Variants in FOXN3 observed in about 807,000 individuals in gnomAD.
FOXN3 encodes the protein forkhead box N3, also known as forkhead box protein N3.
In FOXN3, 7 loss-of-function variants were observed where a neutral mutation model predicts 38.4. The observed-to-expected ratio is 0.18, with a 90% confidence interval of 0.10 to 0.34. The LOEUF (loss-of-function observed/expected upper bound fraction) is 0.34, where lower values mean the gene tolerates loss of function less well. Among genes scored for constraint, FOXN3 ranks in the 10% least tolerant of loss-of-function variants. The pLI is 1.00. For synonymous variants in FOXN3, 230 were observed against 242.2 expected, an observed-to-expected ratio of 0.95 and a Z score of 0.47; for missense variants, 456 against 613.4, an observed-to-expected ratio of 0.74 and a Z score of 2.71.
At position 89,258,407 on chromosome 14, in the gene FOXN3, G is replaced by T. The variant is rs1596136669; in HGVS notation, c.745+22543C>A. Among the ~76,000 whole-genome samples the T allele has an allele frequency of 3.9e-5, 6 of 152,300 alleles. No homozygotes were observed. In the South Asian group the frequency reaches 1.2e-3, roughly 32 times the overall value. On this transcript the variant is annotated intron_variant, in intron 4 of 5. Coordinates refer to ENST00000557258, the MANE Select transcript of FOXN3 (RefSeq NM_005197.4). ...TGAGTAAATCACTGTCACTGATAGG[G>T]AGATGATGATGATGACGATGATGAT...
At position 89,242,237 on chromosome 14, in the gene FOXN3, C is replaced by T. The variant is rs184314648; in HGVS notation, c.745+38713G>A. On this transcript the variant is annotated intron_variant, in intron 4 of 5. Coordinates refer to ENST00000557258, the MANE Select transcript of FOXN3 (RefSeq NM_005197.4). ...GCCTTCCAGGTTCCAGTCTTGATGA[C>T]CGCCAGCTATTATACATGCTTGGCC... 2.0e-3 allele frequency among the ~76,000 whole-genome samples: 302 copies of T among 152,214 alleles called. 1 individual carries two copies. Among genetic ancestry groups the T allele is most frequent in the African/African-American group, 6.8e-3 (282 of 41,522 alleles).
intron 3 of FOXN3, among the ~76,000 whole-genome samples, chr14:89,298,464 CGTCT>C (rs1333386200): frequency 7.4e-6 from 1 of 135,514 alleles, no homozygotes; most frequent in African/African-American, 2.9e-5. Flanking sequence ...AGGGAGACTC[CGTCT>C]ATTTAAAAAA....
chr14:89,536,775 C>T (rs897789736), intron 1 of FOXN3, among the ~76,000 whole-genome samples: 81 of 92,672 alleles, frequency 8.7e-4, no homozygotes, highest in African/African-American at 3.4e-3. Context: ...AAGTCTCTAT[C>T]TCAAAAATAA....
chr14:89,405,383 C>G (rs1596255952), intron 2 of FOXN3, among the ~76,000 whole-genome samples: 2 of 152,136 alleles, frequency 1.3e-5, no homozygotes, highest in East Asian at 3.9e-4. Flanking sequence ...ATGATGCCCC[C>G]GTCTTGGCCT....
intron 4 of FOXN3, among the ~76,000 whole-genome samples, chr14:89,186,644 T>G (rs2139803095): frequency 6.6e-6 from 1 of 152,278 alleles, no homozygotes; most frequent in Non-Finnish European, 1.5e-5. Flanking sequence ...GAAGGCAGCA[T>G]CCTATAGAGC....
chr14:89,501,726 A>G (rs1203738688), intron 1 of FOXN3, among the ~76,000 whole-genome samples: 1 of 152,126 alleles, frequency 6.6e-6, no homozygotes, highest in Admixed American at 6.5e-5. Flanking sequence ...CAGGGTTTTT[A>G]AAACACTAAA....
intron 4 of FOXN3, among the ~76,000 whole-genome samples, chr14:89,268,167 T>G (rs951824491): frequency 6.6e-6 from 1 of 152,226 alleles, no homozygotes; most frequent in Non-Finnish European, 1.5e-5. Context: ...TCTTCATCTG[T>G]AAGATCAGGA....
At chr14:89,375,910 A>T (rs1890465052) in intron 2 of FOXN3, among the ~76,000 whole-genome samples, 1 of 152,004 alleles carries the variant, frequency 6.6e-6, no homozygotes, top group Admixed American at 6.6e-5. Flanking sequence ...CCTCCCAAGT[A>T]GCTGAGATTA....
intron 4 of FOXN3, among the ~76,000 whole-genome samples, chr14:89,205,837 C>T (rs1395970850): frequency 6.6e-6 from 1 of 152,244 alleles, no homozygotes; most frequent in Non-Finnish European, 1.5e-5. Flanking sequence ...CTCCCCACGA[C>T]CTTCCCGTCT....
intron 4 of FOXN3, among the ~76,000 whole-genome samples, chr14:89,263,370 A>AG (rs1325507111): frequency 1.2e-4 from 18 of 152,268 alleles, no homozygotes; most frequent in Non-Finnish European, 2.2e-4. Flanking sequence ...AAAAAAAAAA[A>AG]CCAACTCATT....
chr14:89,478,371 G>A (rs555342324), intron 1 of FOXN3, among the ~76,000 whole-genome samples: 4 of 152,098 alleles, frequency 2.6e-5, no homozygotes, highest in Non-Finnish European at 5.9e-5. Context: ...AGCAGTGCAA[G>A]AATGGACTAA....
intron 3 of FOXN3, among the ~76,000 whole-genome samples, chr14:89,315,231 C>T (rs1887684681): frequency 6.6e-6 from 1 of 151,694 alleles, no homozygotes; most frequent in African/African-American, 2.4e-5. Context: ...AATCCAAACA[C>T]CTTTCTGATC....
At chr14:89,410,878 A>G (rs1035658870) in intron 2 of FOXN3, among the ~76,000 whole-genome samples, 4 of 150,762 alleles carry the variant, frequency 2.7e-5, no homozygotes, top group African/African-American at 9.7e-5. Flanking sequence ...GGTCCCAAAA[A>G]AAAAGAGGAA....
intron 1 of FOXN3, among the ~76,000 whole-genome samples, chr14:89,591,954 C>A (rs984386041): frequency 1.3e-5 from 2 of 151,934 alleles, no homozygotes; most frequent in African/African-American, 2.4e-5. Context: ...GTAAGAAAAA[C>A]AAGAAACTCA....
At chr14:89,359,382 C>T (rs776699254) in intron 2 of FOXN3, among the ~76,000 whole-genome samples, 2 of 152,064 alleles carry the variant, frequency 1.3e-5, no homozygotes, top group East Asian at 3.8e-4. Context: ...TGACACTGAG[C>T]TCCAAACCAT....
chr14:89,235,752 C>T (rs889481332), intron 4 of FOXN3, among the ~76,000 whole-genome samples: 1 of 149,466 alleles, frequency 6.7e-6, no homozygotes, highest in Non-Finnish European at 1.5e-5. Flanking sequence ...GAACCTGACC[C>T]GCTGTGGTTG....
At chr14:89,320,884 A>AG (rs1887876182) in intron 3 of FOXN3, among the ~76,000 whole-genome samples, 1 of 152,234 alleles carries the variant, frequency 6.6e-6, no homozygotes, top group South Asian at 2.1e-4. Flanking sequence ...AACGGCAGAC[A>AG]GCATGGCTGC....
intron 3 of FOXN3, among the ~76,000 whole-genome samples, chr14:89,311,155 T>A (rs949411113): frequency 4.7e-5 from 7 of 148,294 alleles, no homozygotes; most frequent in Admixed American, 1.4e-4. Context: ...TTATATCTTT[T>A]AAAAAAAAGA....
intron 1 of FOXN3, among the ~76,000 whole-genome samples, chr14:89,503,981 T>C (rs1045775114): frequency 6.6e-6 from 1 of 152,138 alleles, no homozygotes; most frequent in Non-Finnish European, 1.5e-5. Flanking sequence ...ACAAAGGAAA[T>C]GACCAGAGCC....
Sources: allele counts gnomAD v4.1 joint callset (sites outside exome capture counted in the v4.1 genomes callset), GRCh38; gene constraint gnomAD v4.1.1; transcripts MANE v1.5; gene names NCBI Gene and HGNC (gene_info 2026-07-23, HGNC 2026-07-21).